Variants in CDHR5 observed in about 807,000 individuals in gnomAD.
CDHR5 encodes the protein cadherin related family member 5.
CDHR5 carries 82 observed loss-of-function variants against 69.5 expected under a neutral mutation model. The ratio of observed to expected loss-of-function variants is 1.18; its 90% CI spans 0.99 to 1.42. The LOEUF (loss-of-function observed/expected upper bound fraction) is 1.42, where lower values mean the gene tolerates loss of function less well. Ranked by LOEUF, CDHR5 falls within the 40% of genes most tolerant of loss-of-function variation. The pLI, the probability that CDHR5 is intolerant of heterozygous loss-of-function variation, is 0.00. For synonymous variants in CDHR5, 601 were observed against 510.2 expected (o/e 1.18, Z -2.40); for missense variants, 1,293 against 1,168.9 (o/e 1.11, Z -1.55).
Position 621,462 on chromosome 11 carries a change from A to C in CDHR5, c.508-7T>G. 2 of 1,608,954 alleles carry C rather than the reference A, an allele frequency of 1.2e-6. No homozygotes were observed. The highest frequency in any genetic ancestry group is 1.7e-6 in the Non-Finnish European group (2 of 1,176,316). On this transcript the variant is annotated splice_region_variant and splice_polypyrimidine_tract_variant and intron_variant, in intron 5 of 14. Transcript: ENST00000397542. This position sits in a 1 kb window ranked among gnomAD's most constrained non-coding sequence, Gnocchi z 4.4. ...AGAAGTAGTCACTGGCACCCTGGGG[A>C]GGGTCAGGGAGGACAGAGCCTAAGA...
chr11:621,758 C>T lies in CDHR5; in HGVS notation c.405+54G>A. 1 of 1,565,706 alleles carries T rather than the reference C, an allele frequency of 6.4e-7. No individual in the cohort carries two copies. Among genetic ancestry groups the T allele is most frequent in the Non-Finnish European group, 8.8e-7 (1 of 1,137,492 alleles). On this transcript the variant is annotated intron_variant, in intron 4 of 14. Coordinates refer to ENST00000397542, the MANE Select transcript of CDHR5 (RefSeq NM_021924.5). The surrounding 1 kb of genome is among the most constrained non-coding windows in gnomAD (Gnocchi z 4.4). ...CCGGCCACCACTCACCTCCTGCCCT[C>T]ACCCTGGGCTCCCACACCCCCGTGC...
Position 619,688 on chromosome 11 carries a change from TC to T in CDHR5, c.1171del (p.Glu391SerfsTer27). ...CTTGGATGCACTCTCTACCGAGAAC[TC>T]CGGGTCCTGAGCCTGGATCCTCAGA... The part of the protein sequence containing the change: ...QPLRIQAQDP[E>X]FSDLNSAITY... On this transcript the variant is annotated frameshift_variant, in exon 10 of 15. Coordinates refer to ENST00000397542, the MANE Select transcript of CDHR5 (RefSeq NM_021924.5). LOFTEE classifies it high-confidence loss of function. 6.2e-7 allele frequency: 1 copy of T among 1,613,350 alleles called. No homozygotes were observed. The highest frequency in any genetic ancestry group is 8.5e-7 in the Non-Finnish European group (1 of 1,179,938).
In CDHR5 at chr11:618,859, C is replaced by G; in HGVS notation, c.1700G>C (p.Ser567Thr). The change falls in exon 13 of 15, where the codon AGT (serine) becomes ACT (threonine). Residue 567 changes from serine to threonine, a missense_variant. Coordinates refer to ENST00000397542, the MANE Select transcript of CDHR5 (RefSeq NM_021924.5). ...CTCTGGGGTCTGTGCTGTGCCCCCACTGGGTGTGGCTGGTTGGTGGGAGGT... is the reference window on the plus strand; with the variant it reads ...CTCTGGGGTCTGTGCTGTGCCCCCAGTGGGTGTGGCTGGTTGGTGGGAGGT... ...TSTSHQPATP[S>T]GGTAQTPEPG... 9.3e-6 allele frequency: 15 copies of G among 1,608,628 alleles called. No individual in the cohort carries two copies. Among genetic ancestry groups the G allele is most frequent in the Non-Finnish European group, 1.3e-5 (15 of 1,178,942 alleles).
rs75929193 is a variant in CDHR5, at chr11:621,689, G to C, written c.406-26C>G. The C allele has an allele frequency of 1.3e-6, 2 of 1,581,036 alleles. No individual in the cohort carries two copies. The highest frequency in any genetic ancestry group is 1.7e-6 in the Non-Finnish European group (2 of 1,150,514). On this transcript the variant is annotated intron_variant, in intron 4 of 14. Transcript: ENST00000397542. The surrounding 1 kb of genome is among the most constrained non-coding windows in gnomAD (Gnocchi z 4.4). ...CTGGGGAGGGAGAGGGGCTTGGTCC[G>C]GCCACACTCTTGGCCCCTGTGGACC... is the stretch of plus-strand genomic sequence containing the variant.
intron 8 of CDHR5, 29 bp from the exon 9 acceptor site, chr11:620,193 C>G: frequency 6.2e-7 from 1 of 1,601,106 alleles, no homozygotes; most frequent in Non-Finnish European, 8.6e-7. Flanking sequence ...TGCTCAGCCC[C>G]GGCCCCCTGA....
chr11:617,530 C>A lies in CDHR5; in HGVS notation c.2359G>T (p.Gly787Trp), dbSNP rs774047706. Residue 787 changes from glycine (G) to tryptophan (W), a missense_variant, in exon 15 of 15, where the codon GGG becomes TGG. Transcript: ENST00000397542. ...ILTKERRPEG[G>W]YKAVWFGEDI... ...TCGCCAAACCAGACAGCCTTGTACC[C>A]GCCCTCCGGCCGCCGCTCCTTGGTC... 1 of 1,612,374 alleles carries A rather than the reference C, an allele frequency of 6.2e-7. No individual in the cohort carries two copies. Among genetic ancestry groups the A allele is most frequent in the Admixed American group, 1.7e-5 (1 of 59,980 alleles).
chr11:621,488 G>C lies in CDHR5; in HGVS notation c.508-33C>G. 1.9e-6 allele frequency: 3 copies of C among 1,598,974 alleles called. No individual in the cohort carries two copies. The highest frequency in any genetic ancestry group is 2.6e-6 in the Non-Finnish European group (3 of 1,166,866). On this transcript the variant is annotated intron_variant, in intron 5 of 14. Coordinates refer to ENST00000397542, the MANE Select transcript of CDHR5 (RefSeq NM_021924.5). The surrounding 1 kb of genome is among the most constrained non-coding windows in gnomAD (Gnocchi z 4.4). Reference sequence around the variant, plus strand: ...GGGTCAGGGAGGACAGAGCCTAAGAGCCTTGGAGGGCGAGGGCGGCTGTGG... The same window carrying C: ...GGGTCAGGGAGGACAGAGCCTAAGACCCTTGGAGGGCGAGGGCGGCTGTGG...
intron 3 of CDHR5, among the ~76,000 whole-genome samples, chr11:623,154 C>A (rs1857518588): frequency 1.3e-5 from 2 of 152,020 alleles, no homozygotes; most frequent in African/African-American, 4.8e-5. Context: ...ACTAAAAATA[C>A]AAAAATTAGC....
rs1043122423 is a variant in CDHR5 at position 619,001 on chromosome 11, C to T, written c.1558G>A (p.Gly520Arg). The change falls in exon 13 of 15, where the codon GGG becomes AGG. Residue 520 changes from glycine to arginine, a missense_variant. Transcript: ENST00000397542. ...LRPPTSSTPG[G>R]PPGAENSTSH... ...GTGCTGTTTTCTGCACCCGGGGGCC[C>T]CCCGGGTGTGGACGAGGTTGGTGGC... 1.9e-6 allele frequency: 3 copies of T among 1,613,402 alleles called. No individual in the cohort carries two copies. In the African/African-American group the frequency reaches 4.0e-5, roughly 22 times the overall value.
chr11:619,475 T>G lies in CDHR5; in HGVS notation c.1292A>C (p.Glu431Ala). 1 of 1,610,572 alleles carries G rather than the reference T, an allele frequency of 6.2e-7. No individual in the cohort carries two copies. Among genetic ancestry groups the G allele is most frequent in the Non-Finnish European group, 8.5e-7 (1 of 1,177,438 alleles). ...ATGCCCGCCTGCCCTGCCCCGCACC[T>G]CTGCGTAGAAGGCTCCCGCCTGTGC... ...TLAQAGAFYAEVEAHNTVTSG... is the reference protein window; with the variant it reads ...TLAQAGAFYAAVEAHNTVTSG... The change falls in exon 11 of 15, where the codon GAG (glutamate) becomes GCG (alanine). Residue 431 changes from glutamate to alanine, a missense_variant and splice_region_variant. Coordinates refer to ENST00000397542, the MANE Select transcript of CDHR5 (RefSeq NM_021924.5).
At chr11:620,274 T>A in intron 8 of CDHR5, 22 bp downstream of exon 8, 1 of 1,601,308 alleles carries the variant, frequency 6.2e-7, no homozygotes, top group South Asian at 1.1e-5. Flanking sequence ...CAGGGCATTG[T>A]TGAGGGCTGG....
intron 3 of CDHR5, among the ~76,000 whole-genome samples, chr11:622,676 A>G (rs947337336): frequency 8.7e-5 from 13 of 149,528 alleles, no homozygotes; most frequent in Middle Eastern, 3.5e-3. Flanking sequence ...GGGTTTCACC[A>G]TTTTGGCCAC....
At chr11:619,963 G>T in intron 9 of CDHR5, 82 bp from the exon 10 acceptor site, 1 of 1,419,100 alleles carries the variant, frequency 7.0e-7, no homozygotes, top group Non-Finnish European at 9.5e-7. Context: ...AAAGGCAGGT[G>T]CAGACTTGGC....
rs1857622518 is a variant in CDHR5 at position 624,702 on chromosome 11, A to T, written c.116T>A (p.Val39Glu). The change falls in exon 2 of 15, where the codon GTA (valine) becomes GAA (glutamate). Residue 39 changes from valine to glutamate, a missense_variant. Physicochemically the swap from Val to Glu is moderately radical, Grantham distance 121 (BLOSUM62 -2). Coordinates refer to ENST00000397542, the MANE Select transcript of CDHR5 (RefSeq NM_021924.5). This position sits in a 1 kb window ranked among gnomAD's most constrained non-coding sequence, Gnocchi z 5.3. ...CTCGGTGACATTTGTGTTCTCCTCT[A>T]CTTCAAAGATGTCCTTGTTCACAGA... ...YCSVNKDIFE[V>E]EENTNVTEPL... The T allele has an allele frequency of 6.2e-7, 1 of 1,611,130 alleles. No individual in the cohort carries two copies. The highest frequency in any genetic ancestry group is 1.1e-5 in the South Asian group (1 of 90,798).
At chr11:620,975 A>AC in intron 7 of CDHR5, 105 bp downstream of exon 7, 2 of 442,110 alleles carry the variant, frequency 4.5e-6, no homozygotes, top group Admixed American at 4.0e-5. Flanking sequence ...AATCGGCCCC[A>AC]CCCCCTGACC....
Position 621,317 on chromosome 11 carries a change from G to T in CDHR5, c.618+28C>A. On this transcript the variant is annotated intron_variant, in intron 6 of 14. Transcript: ENST00000397542. The surrounding 1 kb of genome is among the most constrained non-coding windows in gnomAD (Gnocchi z 4.4). ...GGGGCCGGGGGGCCTCAAGTGTGTG[G>T]GACTCGGGGCTGGGGTGACCTGCTC... 1 of 1,611,738 alleles carries T rather than the reference G, an allele frequency of 6.2e-7. No individual in the cohort carries two copies. The highest frequency in any genetic ancestry group is 8.5e-7 in the Non-Finnish European group (1 of 1,178,622).
rs1857040477 is a variant in CDHR5 at position 617,724 on chromosome 11, T to G, written c.2165A>C (p.His722Pro). The change falls in exon 15 of 15, where the codon CAC (histidine) becomes CCC (proline). Residue 722 changes from histidine (H) to proline (P), a missense_variant. Coordinates refer to ENST00000397542, the MANE Select transcript of CDHR5 (RefSeq NM_021924.5). ...GGGGACGGGCGCCCAGTTGGCCTTGTGGTCAGGGAGGAACGCCTGGTTGTC... is the reference window on the plus strand; with the variant it reads ...GGGGACGGGCGCCCAGTTGGCCTTGGGGTCAGGGAGGAACGCCTGGTTGTC... ...GFDNQAFLPDHKANWAPVPSP... is the reference protein window; with the variant it reads ...GFDNQAFLPDPKANWAPVPSP... 6.8e-7 allele frequency: 1 copy of G among 1,459,908 alleles called. No individual in the cohort carries two copies. Among genetic ancestry groups the G allele is most frequent in the Non-Finnish European group, 9.0e-7 (1 of 1,114,284 alleles). The allele number at this position is 1,459,908 out of a possible 1,614,324, so 90.4% of individuals were successfully genotyped here.
Position 618,056 on chromosome 11 carries a change from G to A in CDHR5, c.2016C>T (p.Gly672=), listed in dbSNP as rs373175439. ...RFSVVDMAAL[G]GVLGALLLLA... ...GCAGCAGCAGCGCACCCAGCACCCCGCCCAGGGCCGCCATATCCACCACCG... is the reference window on the plus strand; with the variant it reads ...GCAGCAGCAGCGCACCCAGCACCCCACCCAGGGCCGCCATATCCACCACCG... Residue 672 remains glycine (G), a synonymous_variant, in exon 14 of 15, where the codon GGC becomes GGT. Transcript: ENST00000397542. 1.5e-5 allele frequency: 24 copies of A among 1,611,676 alleles called. No individual in the cohort carries two copies. Among genetic ancestry groups the A allele is most frequent in the African/African-American group, 5.3e-5 (4 of 74,854 alleles).
chr11:621,821 C>CCTTAT lies in CDHR5; in HGVS notation c.391_395dup (p.Val133Ter). 1 of 1,613,290 alleles carries CCTTAT rather than the reference C, an allele frequency of 6.2e-7. No homozygotes were observed. Among genetic ancestry groups the CCTTAT allele is most frequent in the Non-Finnish European group, 8.5e-7 (1 of 1,179,524 alleles). On this transcript the variant is annotated stop_gained and frameshift_variant, in exon 4 of 15. Transcript: ENST00000397542. LOFTEE classifies it high-confidence loss of function. This position sits in a 1 kb window ranked among gnomAD's most constrained non-coding sequence, Gnocchi z 4.4. ...GCTTCGCTGGCCTCACCTCCTCCAC[C>CCTTAT]CTTATCTCCTTGGTCTTAAAGGGGA... is the stretch of plus-strand genomic sequence containing the variant.
Sources: gnomAD v4.1 joint callset for allele counts (sites outside exome capture counted in the v4.1 genomes callset) on GRCh38, gnomAD v4.1.1 for gene constraint, Gnocchi (gnomAD v3.1) non-coding constraint, MANE v1.5 for transcripts, NCBI Gene and HGNC (gene_info 2026-07-23, HGNC 2026-07-21) for gene names.